Variants in ITGA1 observed in about 807,000 individuals in gnomAD.
The protein encoded by ITGA1 is integrin alpha-1.
A neutral mutation model predicts 145.9 loss-of-function variants in ITGA1; 85 were observed. The observed-to-expected ratio is 0.58, with a 90% confidence interval of 0.49 to 0.70. The LOEUF is 0.70. Ranked by LOEUF, ITGA1 falls within the 30% of genes least tolerant of loss-of-function variation. The pLI is 0.00. For synonymous variants in ITGA1, 520 were observed against 495.3 expected (o/e 1.05, Z -0.66); for missense variants, 1,351 against 1,418.7 (o/e 0.95, Z 0.77).
intron 24 of ITGA1, among the ~76,000 whole-genome samples, chr5:52,939,385 G>A (rs1579731058): frequency 6.6e-6 from 1 of 152,198 alleles, no homozygotes; most frequent in South Asian, 2.1e-4. Context: ...AAGTAGCATG[G>A]TAAGAGTACA....
intron 19 of ITGA1, among the ~76,000 whole-genome samples, chr5:52,926,385 G>A (rs1174604967): frequency 6.6e-6 from 1 of 152,004 alleles, no homozygotes; most frequent in Non-Finnish European, 1.5e-5. Context: ...GGCAAATCAC[G>A]GGGTCAGGAG....
chr5:52,938,262 T>C (rs1454962878), intron 24 of ITGA1, among the ~76,000 whole-genome samples: 5 of 152,204 alleles, frequency 3.3e-5, no homozygotes, highest in Non-Finnish European at 5.9e-5. Context: ...ATAGTATAAT[T>C]GTATTTACTC....
At chr5:52,899,977 T>C (rs1330341769) in intron 11 of ITGA1, among the ~76,000 whole-genome samples, 2 of 152,194 alleles carry the variant, frequency 1.3e-5, no homozygotes, top group African/African-American at 4.8e-5. Flanking sequence ...AAGAAAGCAC[T>C]GCACAAATAT....
intron 7 of ITGA1, among the ~76,000 whole-genome samples, chr5:52,884,261 T>A (rs1750011641): frequency 6.6e-6 from 1 of 151,868 alleles, no homozygotes; most frequent in African/African-American, 2.4e-5. Context: ...CTGGCCAACA[T>A]GGTGAAACCC....
Position 52,949,481 on chromosome 5 carries a change from C to A in ITGA1, c.3495+2020C>A, listed in dbSNP as rs567504974. Among the ~76,000 whole-genome samples the A allele has an allele frequency of 2.0e-5, 3 of 152,226 alleles. No individual in the cohort carries two copies. In the East Asian group the frequency reaches 5.8e-4, roughly 29 times the overall value. ...CCAAGTATTTTAACTACATTTTACA[C>A]CTGAGGACATTAAAGCAAAGGGAGG... On this transcript the variant is annotated intron_variant, in intron 28 of 28. Transcript: ENST00000282588.
intron 7 of ITGA1, among the ~76,000 whole-genome samples, chr5:52,885,827 C>A (rs1750037423): frequency 1.3e-5 from 2 of 152,102 alleles, no homozygotes; most frequent in Non-Finnish European, 2.9e-5. Flanking sequence ...TTGGTAAAGT[C>A]TCTAGTTAGA....
intron 1 of ITGA1, chr5:52,800,056 G>A (rs965388279): frequency 1.9e-5 from 6 of 317,236 alleles, no homozygotes; most frequent in African/African-American, 6.5e-5. Flanking sequence ...GACGGGAGAC[G>A]TGCGTCGGGT....
rs759950622 is a variant in ITGA1, at chr5:52,898,232, A to G, written c.1165-7A>G. On this transcript the variant is annotated splice_polypyrimidine_tract_variant and splice_region_variant and intron_variant, in intron 10 of 28. Coordinates refer to ENST00000282588, the MANE Select transcript of ITGA1 (RefSeq NM_181501.2). ...AAATATTATTATCTTATTTATTTGCATGTAAGGACTGGGTCATGCTTGGAG... is the reference window on the plus strand; with the variant it reads ...AAATATTATTATCTTATTTATTTGCGTGTAAGGACTGGGTCATGCTTGGAG... 1 of 1,502,196 alleles carries G rather than the reference A, an allele frequency of 6.7e-7. No individual in the cohort carries two copies. Among genetic ancestry groups the G allele is most frequent in the Non-Finnish European group, 8.9e-7 (1 of 1,124,650 alleles). The allele number at this position is 1,502,196 out of a possible 1,614,324, so 93.1% of individuals were successfully genotyped here. A position where few individuals can be genotyped will look rare whatever the true frequency, so the allele number is the denominator to read the frequency against.
At chr5:52,812,285 C>T (rs943598667) in intron 1 of ITGA1, among the ~76,000 whole-genome samples, 5 of 152,112 alleles carry the variant, frequency 3.3e-5, no homozygotes, top group African/African-American at 7.2e-5. Flanking sequence ...TTTATTGATG[C>T]CATTTACATG....
At position 52,848,853 on chromosome 5, in the gene ITGA1, T is replaced by G. The variant is rs573773759; in HGVS notation, c.62-512T>G. Among the ~76,000 whole-genome samples, 4 of 152,228 alleles carry G rather than the reference T, an allele frequency of 2.6e-5. No individual in the cohort carries two copies. The East Asian group carries it at 7.7e-4, about 29-fold the overall frequency. On this transcript the variant is annotated intron_variant, in intron 1 of 28. Transcript: ENST00000282588. ...TTTGGTTTTTTGTCCTTGAGATAGT[T>G]TGCTGAGAACGATGGTTTCCAGCTT...
At chr5:52,888,764 G>T (rs1435021058) in intron 8 of ITGA1, among the ~76,000 whole-genome samples, 1 of 152,180 alleles carries the variant, frequency 6.6e-6, no homozygotes, top group Non-Finnish European at 1.5e-5. Context: ...CATTACTCCT[G>T]TAACCTCATT....
intron 10 of ITGA1, 80 bp downstream of exon 10, chr5:52,897,608 T>A: frequency 1.0e-6 from 1 of 984,130 alleles, no homozygotes; most frequent in Non-Finnish European, 1.6e-6. Context: ...GCCATCAGTA[T>A]GTAAGTGCAA....
In ITGA1 at chr5:52,927,581, T is replaced by G. The variant is rs773770522; in HGVS notation, c.2614-3T>G. 5.6e-6 allele frequency: 9 copies of G among 1,603,436 alleles called. No individual in the cohort carries two copies. Among genetic ancestry groups the G allele is most frequent in the Middle Eastern group, 1.7e-4 (1 of 6,032 alleles). On this transcript the variant is annotated splice_polypyrimidine_tract_variant and splice_region_variant and intron_variant, in intron 19 of 28. Coordinates refer to ENST00000282588, the MANE Select transcript of ITGA1 (RefSeq NM_181501.2). ...TCTGATTCTGTTTGCTTTCTCTTCCTAGGCTATCCAAAAAGACAGTTGTGA... is the reference window on the plus strand; with the variant it reads ...TCTGATTCTGTTTGCTTTCTCTTCCGAGGCTATCCAAAAAGACAGTTGTGA...
At chr5:52,910,907 G>A (rs375126168) in intron 14 of ITGA1, among the ~76,000 whole-genome samples, 4 of 136,910 alleles carry the variant, frequency 2.9e-5, no homozygotes, top group African/African-American at 1.1e-4. Context: ...AGTATATACG[G>A]TATGTATACT....
Position 52,908,976 on chromosome 5 carries a change from G to T in ITGA1, c.1534G>T (p.Ala512Ser). Residue 512 changes from alanine to serine, a missense_variant, in exon 13 of 29, where the codon GCC becomes TCC. Transcript: ENST00000282588. ...TAATACTGACATTCTTCTAGTCGGA[G>T]CCCCTATGTACATGGGAACAGAGAA... ...DSNTDILLVG[A>S]PMYMGTEKEE... 1.2e-6 allele frequency: 2 copies of T among 1,613,810 alleles called. No individual in the cohort carries two copies. Among genetic ancestry groups the T allele is most frequent in the East Asian group, 2.2e-5 (1 of 44,842 alleles).
At chr5:52,888,939 G>A (rs72756570) in intron 8 of ITGA1, among the ~76,000 whole-genome samples, 7,813 of 152,266 alleles carry the variant, frequency 0.051, 252 homozygotes, top group Admixed American at 0.093. Flanking sequence ...CAGGGAAAAG[G>A]ATGAGGGCTT....
In ITGA1 at chr5:52,885,331, C is replaced by T. The variant is rs1750030689; in HGVS notation, c.774-2484C>T. On this transcript the variant is annotated intron_variant, in intron 7 of 28. Coordinates refer to ENST00000282588, the MANE Select transcript of ITGA1 (RefSeq NM_181501.2). ...TTCAAGCTTCTGATCATGGCCTGGTCCTTCTAGTGATCAGCTCCCATTTAG... is the reference window on the plus strand; with the variant it reads ...TTCAAGCTTCTGATCATGGCCTGGTTCTTCTAGTGATCAGCTCCCATTTAG... 2.6e-5 allele frequency among the ~76,000 whole-genome samples: 4 copies of T among 152,142 alleles called. No homozygotes were observed. In the South Asian group the frequency reaches 8.3e-4, roughly 32 times the overall value.
At chr5:52,936,977 G>C (rs921795816) in intron 23 of ITGA1, among the ~76,000 whole-genome samples, 1 of 151,560 alleles carries the variant, frequency 6.6e-6, no homozygotes, top group Non-Finnish European at 1.5e-5. Flanking sequence ...TGGCAAACTG[G>C]GTAAAGGCAA....
rs556198735 is a variant in ITGA1, at chr5:52,861,896, C to A, written c.295+337C>A. On this transcript the variant is annotated intron_variant, in intron 3 of 28. Coordinates refer to ENST00000282588, the MANE Select transcript of ITGA1 (RefSeq NM_181501.2). ...AAAAAAAAAAAAAAAAAAATCAGGTCTTAAATTATGCCCAGTATTCTCACT... is the reference window on the plus strand; with the variant it reads ...AAAAAAAAAAAAAAAAAAATCAGGTATTAAATTATGCCCAGTATTCTCACT... Among the ~76,000 whole-genome samples, 9 of 143,514 alleles carry A rather than the reference C, an allele frequency of 6.3e-5. No homozygotes were observed. In the East Asian group the frequency reaches 1.9e-3, roughly 30 times the overall value. The allele number at this position is 143,514 out of a possible 152,430, so 94.2% of individuals were successfully genotyped here.
Sources: gnomAD v4.1 joint callset for allele counts (sites outside exome capture counted in the v4.1 genomes callset) on GRCh38, gnomAD v4.1.1 for gene constraint, MANE v1.5 for transcripts, NCBI Gene and HGNC (gene_info 2026-07-23, HGNC 2026-07-21) for gene names.